The following EFNA3 variants were observed in gnomAD, a reference collection of about 807,000 sequenced individuals.
EFNA3 encodes the protein ephrin-A3.
EFNA3 carries 15 observed loss-of-function variants against 25.0 expected under a neutral mutation model. The observed-to-expected ratio is 0.60, with a 90% confidence interval of 0.40 to 0.92. The LOEUF (loss-of-function observed/expected upper bound fraction) is 0.92, where lower values mean the gene tolerates loss of function less well. Among genes scored for constraint, EFNA3 ranks in the 40% least tolerant of loss-of-function variants. The pLI is 0.00. For synonymous variants in EFNA3, 153 were observed against 145.6 expected, an observed-to-expected ratio of 1.05 and a Z score of -0.37; for missense variants, 298 against 323.8, an observed-to-expected ratio of 0.92 and a Z score of 0.61.
In EFNA3 at chr1:155,079,107, CAG is replaced by C. The variant is rs1410342974; in HGVS notation, c.128+39_128+40del. On this transcript the variant is annotated intron_variant, in intron 1 of 4. Transcript: ENST00000368408. This position sits in a 1 kb window ranked among gnomAD's most constrained non-coding sequence, Gnocchi z 7.7. ...CCCTGGGAGTCCGCGCGTCCCGTCTCAGTGAGAGGGGGAGCCGGTGGGCCCGA... is the reference window on the plus strand; with the variant it reads ...CCCTGGGAGTCCGCGCGTCCCGTCTCTGAGAGGGGGAGCCGGTGGGCCCGA... 1.5e-6 allele frequency: 2 copies of C among 1,296,612 alleles called. No homozygotes were observed. Among genetic ancestry groups the C allele is most frequent in the African/African-American group, 3.1e-5 (2 of 64,522 alleles). 80.3% of individuals were successfully genotyped at this position (1,296,612 alleles called of 1,614,324 possible). A position where few individuals can be genotyped will look rare whatever the true frequency, so the allele number is the denominator to read the frequency against.
chr1:155,085,235 G>A lies in EFNA3; in HGVS notation c.273G>A (p.Val91=), dbSNP rs758469116. ...CAGAGCAGTACGTGCTGTACATGGT[G>A]AGCCGCAACGGCTACCGCACCTGCA... is the stretch of plus-strand genomic sequence containing the variant. ...GGAEQYVLYM[V]SRNGYRTCNA... Residue 91 remains valine (V), a synonymous_variant, in exon 2 of 5, where the codon GTG becomes GTA. Coordinates refer to ENST00000368408, the MANE Select transcript of EFNA3 (RefSeq NM_004952.5). This position sits in a 1 kb window ranked among gnomAD's most constrained non-coding sequence, Gnocchi z 4.4. The A allele has an allele frequency of 6.8e-6, 11 of 1,613,068 alleles. No individual in the cohort carries two copies. The South Asian group carries it at 1.2e-4, about 18-fold the overall frequency.
chr1:155,084,441 CTGTG>C (rs1241883223), intron 1 of EFNA3, among the ~76,000 whole-genome samples: 1 of 152,232 alleles, frequency 6.6e-6, no homozygotes, highest in Non-Finnish European at 1.5e-5. Flanking sequence ...CCCAGCTTTT[CTGTG>C]TGTCTGCTGC....
intron 1 of EFNA3, among the ~76,000 whole-genome samples, chr1:155,082,248 A>G (rs1663356733): frequency 1.3e-5 from 2 of 152,188 alleles, no homozygotes; most frequent in African/African-American, 4.8e-5. Context: ...TAGAGGGAAG[A>G]GGAACCCGGG....
At chr1:155,082,453 G>T (rs1401402508) in intron 1 of EFNA3, among the ~76,000 whole-genome samples, 2 of 152,132 alleles carry the variant, frequency 1.3e-5, no homozygotes, top group South Asian at 2.1e-4. Context: ...TCCCCGCTCC[G>T]CCCGCCTGCC....
In EFNA3 at chr1:155,086,872, GTCCCCCCAGAGAGACATA is replaced by G. The variant is rs919722007; in HGVS notation, c.*331_*348del. 24 of 275,920 alleles carry G rather than the reference GTCCCCCCAGAGAGACATA, an allele frequency of 8.7e-5. No homozygotes were observed. The highest frequency in any genetic ancestry group is 1.5e-4 in the Admixed American group (3 of 20,328). The allele number at this position is 275,920 out of a possible 1,614,324, so 17.1% of individuals were successfully genotyped here. A position where few individuals can be genotyped will look rare whatever the true frequency, so the allele number is the denominator to read the frequency against. On this transcript the variant is annotated 3_prime_UTR_variant, in exon 5 of 5. Transcript: ENST00000368408. Reference sequence around the variant, plus strand: ...CTGACTCCTGGTGCCCTCTCCCTTTGTCCCCCCAGAGAGACATATGCCCCCAGAGAGAGCAAATCGAAG... The same window carrying G: ...CTGACTCCTGGTGCCCTCTCCCTTTGTGCCCCCAGAGAGAGCAAATCGAAG...
chr1:155,079,171 G>C lies in EFNA3; in HGVS notation c.128+102G>C, dbSNP rs995498988. 9.1e-6 allele frequency: 11 copies of C among 1,203,306 alleles called. No individual in the cohort carries two copies. The highest frequency in any genetic ancestry group is 1.2e-5 in the Non-Finnish European group (11 of 944,954). The allele number at this position is 1,203,306 out of a possible 1,614,324, so 74.5% of individuals were successfully genotyped here. On this transcript the variant is annotated intron_variant, in intron 1 of 4. Coordinates refer to ENST00000368408, the MANE Select transcript of EFNA3 (RefSeq NM_004952.5). The surrounding 1 kb of genome is among the most constrained non-coding windows in gnomAD (Gnocchi z 7.7). ...GGATCCCGGGGTGGGAGTCCTGGGA[G>C]ACCAGAGCTGGGGGCTGGGAGGGGA...
At chr1:155,083,528 A>C (rs925948149) in intron 1 of EFNA3, among the ~76,000 whole-genome samples, 3 of 152,242 alleles carry the variant, frequency 2.0e-5, no homozygotes, top group African/African-American at 7.2e-5. Flanking sequence ...GGCTGGTGGC[A>C]TTCCTGATGA....
In EFNA3 at chr1:155,086,111, C is replaced by T. The variant is rs368675080; in HGVS notation, c.509-17C>T. On this transcript the variant is annotated splice_polypyrimidine_tract_variant and intron_variant, in intron 3 of 4. Coordinates refer to ENST00000368408, the MANE Select transcript of EFNA3 (RefSeq NM_004952.5). ...GACTCTCCCCTCCTCTCTCCCCACC[C>T]GCACCCCACCCCGCAGCATCGCACT... 119 of 1,581,334 alleles carry T rather than the reference C, an allele frequency of 7.5e-5. No homozygotes were observed. The African/African-American group carries it at 1.5e-3, about 19-fold the overall frequency.
chr1:155,081,758 C>A lies in EFNA3; in HGVS notation c.128+2689C>A, dbSNP rs1057316974. 2.0e-5 allele frequency among the ~76,000 whole-genome samples: 3 copies of A among 152,190 alleles called. No individual in the cohort carries two copies. Among genetic ancestry groups the A allele is most frequent in the Non-Finnish European group, 2.9e-5 (2 of 68,040 alleles). On this transcript the variant is annotated intron_variant, in intron 1 of 4. Coordinates refer to ENST00000368408, the MANE Select transcript of EFNA3 (RefSeq NM_004952.5). This position sits in a 1 kb window ranked among gnomAD's most constrained non-coding sequence, Gnocchi z 5.2. Reference sequence around the variant, plus strand: ...TCGGTTCTCGTTCTCTTCCCTGCCTCTCTCGGTTTCTGCGTCTCTCTCGCA... The same window carrying A: ...TCGGTTCTCGTTCTCTTCCCTGCCTATCTCGGTTTCTGCGTCTCTCTCGCA...
In EFNA3 at chr1:155,079,181, G is replaced by A; in HGVS notation, c.128+112G>A. 1 of 1,191,784 alleles carries A rather than the reference G, an allele frequency of 8.4e-7. No homozygotes were observed. The highest frequency in any genetic ancestry group is 3.4e-5 in the South Asian group (1 of 29,154). 73.8% of individuals were successfully genotyped at this position (1,191,784 alleles called of 1,614,324 possible). A position where few individuals can be genotyped will look rare whatever the true frequency, so the allele number is the denominator to read the frequency against. ...GTGGGAGTCCTGGGAGACCAGAGCT[G>A]GGGGCTGGGAGGGGACGGAGAGGGG... On this transcript the variant is annotated intron_variant, in intron 1 of 4. Transcript: ENST00000368408. This position sits in a 1 kb window ranked among gnomAD's most constrained non-coding sequence, Gnocchi z 7.7.
intron 1 of EFNA3, among the ~76,000 whole-genome samples, chr1:155,082,540 G>A (rs2102452261): frequency 6.6e-6 from 1 of 152,338 alleles, no homozygotes; most frequent in African/African-American, 2.4e-5. Flanking sequence ...GAGGTGTCGG[G>A]ATGCGCCTCA....
At position 155,085,154 on chromosome 1, in the gene EFNA3, G is replaced by C. The variant is rs763993185; in HGVS notation, c.192G>C (p.Pro64=). The stretch of plus-strand genomic sequence containing the variant: ...ACGACTATCTGGATATTTACTGCCC[G>C]CACTACAACAGCTCGGGGGTGGGCC... The part of the protein sequence containing the change: ...NVNDYLDIYC[P]HYNSSGVGPG... Residue 64 remains proline (P), a synonymous_variant, in exon 2 of 5, where the codon CCG becomes CCC. Coordinates refer to ENST00000368408, the MANE Select transcript of EFNA3 (RefSeq NM_004952.5). This position sits in a 1 kb window ranked among gnomAD's most constrained non-coding sequence, Gnocchi z 4.4. The C allele has an allele frequency of 6.2e-7, 1 of 1,613,510 alleles. No homozygotes were observed. The highest frequency in any genetic ancestry group is 8.5e-7 in the Non-Finnish European group (1 of 1,179,992).
Position 155,078,977 on chromosome 1 carries a change from C to T in EFNA3, c.36C>T (p.Leu12=), listed in dbSNP as rs1263384854. 3 of 1,431,224 alleles carry T rather than the reference C, an allele frequency of 2.1e-6. No homozygotes were observed. The African/African-American group carries it at 4.5e-5, about 21-fold the overall frequency. 88.7% of individuals were successfully genotyped at this position (1,431,224 alleles called of 1,614,324 possible). Residue 12 remains leucine, a synonymous_variant, in exon 1 of 5, where the codon CTC becomes CTT. Coordinates refer to ENST00000368408, the MANE Select transcript of EFNA3 (RefSeq NM_004952.5). ...AAAPLLLLLL[L]VPVPLLPLLA... is the part of the protein sequence containing the mutation. Reference sequence around the variant, plus strand: ...CTCCGCTGCTGCTGCTGCTGCTGCTCGTGCCCGTGCCGCTGCTGCCGCTGC... The same window carrying T: ...CTCCGCTGCTGCTGCTGCTGCTGCTTGTGCCCGTGCCGCTGCTGCCGCTGC...
chr1:155,086,103 T>TCCCCCCCCCCCCCCCCCCCCC, intron 3 of EFNA3, 25 bp from the exon 4 acceptor site: 1 of 1,577,736 alleles, frequency 6.3e-7, no homozygotes, highest in Non-Finnish European at 8.7e-7. Context: ...CCCTCCTCTC[T>TCCCCCCCCCCCCCCCCCCCCC]CCCCACCCGC....
Position 155,081,123 on chromosome 1 carries a change from G to A in EFNA3, c.128+2054G>A, listed in dbSNP as rs151122971. On this transcript the variant is annotated intron_variant, in intron 1 of 4. Transcript: ENST00000368408. This position sits in a 1 kb window ranked among gnomAD's most constrained non-coding sequence, Gnocchi z 5.2. ...CACGTGGGGAGGGTCTTGCGACCCC[G>A]CCTCCTGGGGGGGTCACGTGCGTCG... Among the ~76,000 whole-genome samples the A allele has an allele frequency of 5.4e-3, 819 of 152,306 alleles. 6 individuals are homozygous for A. The highest frequency in any genetic ancestry group is 0.019 in the African/African-American group (770 of 41,562).
At position 155,085,419 on chromosome 1, in the gene EFNA3, C is replaced by CCGGG. The variant is rs1558145580; in HGVS notation, c.442+24_442+27dup. On this transcript the variant is annotated intron_variant, in intron 2 of 4. Coordinates refer to ENST00000368408, the MANE Select transcript of EFNA3 (RefSeq NM_004952.5). This position sits in a 1 kb window ranked among gnomAD's most constrained non-coding sequence, Gnocchi z 4.4. ...CTACTACATCTGTGAGTGACGGCGG[C>CCGGG]CGGGCGGGCGGGTCTGAACGCGAGA... 28 of 1,551,688 alleles carry CCGGG rather than the reference C, an allele frequency of 1.8e-5. No homozygotes were observed. The highest frequency in any genetic ancestry group is 2.4e-5 in the Non-Finnish European group (27 of 1,142,888).
At chr1:155,086,091 TCC>T in intron 3 of EFNA3, 35 bp from the exon 4 acceptor site, 1 of 1,598,948 alleles carries the variant, frequency 6.3e-7, no homozygotes, top group Non-Finnish European at 8.5e-7. Context: ...GCCCTGACTC[TCC>T]CCTCCTCTCT....
In EFNA3 at chr1:155,085,007, T is replaced by C. The variant is rs1283742843; in HGVS notation, c.129-84T>C. ...AAAAGTCGGAAGGCTACGCGGACCC[T>C]GGGGAGGGGCTGCGGAGCGGTCAGA... On this transcript the variant is annotated intron_variant, in intron 1 of 4. Coordinates refer to ENST00000368408, the MANE Select transcript of EFNA3 (RefSeq NM_004952.5). This position sits in a 1 kb window ranked among gnomAD's most constrained non-coding sequence, Gnocchi z 4.4. The C allele has an allele frequency of 3.3e-6, 5 of 1,492,828 alleles. No homozygotes were observed. The highest frequency in any genetic ancestry group is 1.9e-5 in the Admixed American group (1 of 53,282). 92.5% of individuals were successfully genotyped at this position (1,492,828 alleles called of 1,614,324 possible).
chr1:155,080,603 C>T lies in EFNA3; in HGVS notation c.128+1534C>T, dbSNP rs1663324375. 6.6e-6 allele frequency among the ~76,000 whole-genome samples: 1 copy of T among 152,198 alleles called. No individual in the cohort carries two copies. The highest frequency in any genetic ancestry group is 1.5e-5 in the Non-Finnish European group (1 of 68,008). ...CGCAGGTGAGGGGCCCCGGGTTCCC[C>T]GCCACCCTTGGAGCACCTCAGCGTT... On this transcript the variant is annotated intron_variant, in intron 1 of 4. Coordinates refer to ENST00000368408, the MANE Select transcript of EFNA3 (RefSeq NM_004952.5). The surrounding 1 kb of genome is among the most constrained non-coding windows in gnomAD (Gnocchi z 7.0).
Sources: allele counts gnomAD v4.1 joint callset (sites outside exome capture counted in the v4.1 genomes callset), GRCh38; gene constraint gnomAD v4.1.1; non-coding constraint Gnocchi (gnomAD v3.1); transcripts MANE v1.5; gene names NCBI Gene and HGNC (gene_info 2026-07-23, HGNC 2026-07-21).